Variants in PTPRN2 observed in about 807,000 individuals in gnomAD.
PTPRN2 encodes the protein receptor-type tyrosine-protein phosphatase N2.
A neutral mutation model predicts 118.8 loss-of-function variants in PTPRN2; 74 were observed. That is an observed-to-expected ratio of 0.62 (90% confidence interval 0.52 to 0.76). The LOEUF (loss-of-function observed/expected upper bound fraction) is 0.76, where lower values mean the gene tolerates loss of function less well. Ranked by LOEUF, PTPRN2 falls within the 30% of genes least tolerant of loss-of-function variation. PTPRN2 has a pLI of 0.00. For synonymous variants in PTPRN2, 641 were observed against 608.0 expected (o/e 1.05, Z -0.80); for missense variants, 1,481 against 1,394.4 (o/e 1.06, Z -0.99).
At chr7:157,546,815 C>A (rs1347589847) in intron 22 of PTPRN2, among the ~76,000 whole-genome samples, 1 of 152,204 alleles carries the variant, frequency 6.6e-6, no homozygotes, top group Non-Finnish European at 1.5e-5. Flanking sequence ...CACCTCACTT[C>A]ACGAAGGGTC....
intron 11 of PTPRN2, among the ~76,000 whole-genome samples, chr7:157,957,025 C>G (rs566706532): frequency 3.3e-5 from 5 of 152,204 alleles, no homozygotes; most frequent in Non-Finnish European, 7.3e-5. Context: ...AGGAAAGGTC[C>G]TACCCAACAT....
At chr7:158,404,333 G>A (rs899619021) in intron 2 of PTPRN2, among the ~76,000 whole-genome samples, 2 of 152,156 alleles carry the variant, frequency 1.3e-5, no homozygotes, top group Non-Finnish European at 2.9e-5. Context: ...TTTGATGGGA[G>A]GATGCTGAGG....
chr7:158,561,081 G>C (rs1331550350), intron 1 of PTPRN2, among the ~76,000 whole-genome samples: 1 of 152,228 alleles, frequency 6.6e-6, no homozygotes, highest in Non-Finnish European at 1.5e-5. Flanking sequence ...TCTAATTTTA[G>C]TGAAGTCTTC....
chr7:158,392,262 C>A (rs1007259247), intron 2 of PTPRN2, among the ~76,000 whole-genome samples: 5 of 152,178 alleles, frequency 3.3e-5, no homozygotes, highest in African/African-American at 1.2e-4. Context: ...GGGTCAGGGA[C>A]CACCCCAGCA....
intron 2 of PTPRN2, among the ~76,000 whole-genome samples, chr7:158,485,232 C>T (rs1290829337): frequency 6.6e-6 from 1 of 152,122 alleles, no homozygotes; most frequent in Admixed American, 6.5e-5. Flanking sequence ...TCCCTCCAAA[C>T]GGAGAGCGCG....
chr7:158,329,371 C>G (rs1423333829), intron 2 of PTPRN2, among the ~76,000 whole-genome samples: 1 of 152,212 alleles, frequency 6.6e-6, no homozygotes, highest in African/African-American at 2.4e-5. Flanking sequence ...ACCCCCACCC[C>G]AAGCCCATGA....
At position 158,192,241 on chromosome 7, in the gene PTPRN2, G is replaced by C; in HGVS notation, c.549+86C>G. The C allele has an allele frequency of 2.3e-6, 3 of 1,327,500 alleles. No individual in the cohort carries two copies. The East Asian group carries it at 9.2e-5, about 41-fold the overall frequency. The allele number at this position is 1,327,500 out of a possible 1,614,324, so 82.2% of individuals were successfully genotyped here. A position where few individuals can be genotyped will look rare whatever the true frequency, so the allele number is the denominator to read the frequency against. On this transcript the variant is annotated intron_variant, in intron 5 of 22. Coordinates refer to ENST00000389418, the MANE Select transcript of PTPRN2 (RefSeq NM_002847.5). ...CGGGAAACAGGCGCAAAGCCAAGAG[G>C]AGCCAGCGACTAAGGAAACATGCCC... is the stretch of plus-strand genomic sequence containing the variant.
chr7:158,197,782 C>T (rs978852987), intron 4 of PTPRN2, among the ~76,000 whole-genome samples: 11 of 152,116 alleles, frequency 7.2e-5, no homozygotes, highest in Admixed American at 2.0e-4. Context: ...CATCAGATCT[C>T]GTGAAAACTC....
intron 2 of PTPRN2, among the ~76,000 whole-genome samples, chr7:158,480,527 A>G (rs369535599): frequency 1.8e-4 from 27 of 152,236 alleles, no homozygotes; most frequent in East Asian, 7.7e-4. Context: ...CTCACTTTAA[A>G]TCAGAAGCTA....
rs7802849 is a variant in PTPRN2, at chr7:157,801,112, T to G, written c.1788+97561A>C. ...ACACATATATATATGCACATATATA[T>G]GAATACCCAATACCCAATCCACAGC... On this transcript the variant is annotated intron_variant, in intron 12 of 22. Coordinates refer to ENST00000389418, the MANE Select transcript of PTPRN2 (RefSeq NM_002847.5). This position sits in a 1 kb window ranked among gnomAD's most constrained non-coding sequence, Gnocchi z 4.2. 0.14 allele frequency among the ~76,000 whole-genome samples: 21,375 copies of G among 151,714 alleles called. 1,608 individuals carry two copies. Among genetic ancestry groups the G allele is most frequent in the African/African-American group, 0.18 (7,279 of 41,292 alleles).
At chr7:158,253,333 C>T (rs1438204507) in intron 3 of PTPRN2, among the ~76,000 whole-genome samples, 18 of 151,946 alleles carry the variant, frequency 1.2e-4, no homozygotes, top group Admixed American at 9.8e-4. Flanking sequence ...GCACAGCGGG[C>T]GGGGCTCTGC....
rs560071727 is a variant in PTPRN2, at chr7:157,556,263, A to T, written c.2903-7244T>A. ...CCACACAACACTCACCCACACTCAC[A>T]TCATACATATGCACATGCACACACA... On this transcript the variant is annotated intron_variant, in intron 21 of 22. Transcript: ENST00000389418. Among the ~76,000 whole-genome samples, 239 of 151,092 alleles carry T rather than the reference A, an allele frequency of 1.6e-3. 1 individual carries two copies. Among genetic ancestry groups the T allele is most frequent in the South Asian group, 2.7e-3 (13 of 4,754 alleles).
chr7:158,492,915 G>A (rs1397365709), intron 1 of PTPRN2, among the ~76,000 whole-genome samples: 4 of 152,244 alleles, frequency 2.6e-5, no homozygotes, highest in African/African-American at 9.7e-5. Flanking sequence ...TACCCTGTCG[G>A]CTCACAGACT....
At chr7:158,106,678 A>G (rs1815711894) in intron 10 of PTPRN2, among the ~76,000 whole-genome samples, 1 of 152,194 alleles carries the variant, frequency 6.6e-6, no homozygotes, top group South Asian at 2.1e-4. Context: ...CTGTCACACT[A>G]TCTGTGCCCT....
rs1827039356 is a variant in PTPRN2, at chr7:158,205,254, G to C, written c.297C>G (p.Asp99Glu). The C allele has an allele frequency of 1.2e-6, 2 of 1,613,896 alleles. No individual in the cohort carries two copies. The highest frequency in any genetic ancestry group is 1.3e-5 in the African/African-American group (1 of 75,026). ...LSGTGFTWQDDYTQYVMDQEL... is the reference protein window; with the variant it reads ...LSGTGFTWQDEYTQYVMDQEL... ...CCTGGTCCATCACATACTGAGTATA[G>C]TCATCCTGCCACGTGAAACCTGTGG... is the stretch of plus-strand genomic sequence containing the variant. The change falls in exon 4 of 23, where the codon GAC becomes GAG. Residue 99 changes from aspartate to glutamate, a missense_variant. Asp to Glu is a conservative substitution (Grantham distance 45). Around this residue, in one of 3 missense-constraint regions of PTPRN2, gnomAD observed 1,115 missense variants for 994.2 expected, o/e 1.12. Transcript: ENST00000389418.
At chr7:158,130,008 C>T (rs1563476712) in intron 9 of PTPRN2, among the ~76,000 whole-genome samples, 2 of 152,208 alleles carry the variant, frequency 1.3e-5, no homozygotes, top group Non-Finnish European at 2.9e-5. Flanking sequence ...GTTTCTGCTG[C>T]TTACAACTTA....
intron 11 of PTPRN2, among the ~76,000 whole-genome samples, chr7:158,044,335 G>A (rs1302878405): frequency 6.6e-6 from 1 of 152,128 alleles, no homozygotes; most frequent in Non-Finnish European, 1.5e-5. Flanking sequence ...AGGGGTGGGG[G>A]GCGTCCTCAC....
rs1315101877 is a variant in PTPRN2, at chr7:157,957,580, TG to T, written c.1724-58844del. ...ATTACTATTAATAATTATTATTTGA[TG>T]GTACAAAGTGAAAAGGATTATAAGT... On this transcript the variant is annotated intron_variant, in intron 11 of 22. Coordinates refer to ENST00000389418, the MANE Select transcript of PTPRN2 (RefSeq NM_002847.5). 3.9e-5 allele frequency among the ~76,000 whole-genome samples: 6 copies of T among 152,168 alleles called. No individual in the cohort carries two copies. The East Asian group carries it at 7.7e-4, about 20-fold the overall frequency.
chr7:158,498,557 G>T (rs1822118376), intron 1 of PTPRN2, among the ~76,000 whole-genome samples: 1 of 152,174 alleles, frequency 6.6e-6, no homozygotes, highest in African/African-American at 2.4e-5. Context: ...ATCAGCTCTT[G>T]GTTTTTAATC....
Sources: allele counts gnomAD v4.1 joint callset (sites outside exome capture counted in the v4.1 genomes callset), GRCh38; gene constraint gnomAD v4.1.1; regional missense constraint gnomAD v4.1.1; non-coding constraint Gnocchi (gnomAD v3.1); transcripts MANE v1.5; gene names NCBI Gene and HGNC (gene_info 2026-07-23, HGNC 2026-07-21).